Variants in PIK3C2B observed in about 807,000 individuals in gnomAD.
The protein encoded by PIK3C2B is phosphatidylinositol 4-phosphate 3-kinase C2 domain-containing subunit beta.
A neutral mutation model predicts 184.3 loss-of-function variants in PIK3C2B; 83 were observed. The ratio of observed to expected loss-of-function variants is 0.45; its 90% CI spans 0.38 to 0.54. The LOEUF is 0.54. Ranked by LOEUF, PIK3C2B falls within the 20% of genes least tolerant of loss-of-function variation. PIK3C2B has a pLI of 0.00. For missense variants in PIK3C2B, 1,736 were observed against 2,113.5 expected (o/e 0.82, Z 3.50); for synonymous variants, 779 against 837.6 (o/e 0.93, Z 1.21).
rs918722906 is a variant in PIK3C2B at position 204,433,879 on chromosome 1, G to C, written c.3757C>G (p.Arg1253Gly). The change falls in exon 25 of 33, where the codon CGC (arginine) becomes GGC (glycine). Residue 1253 changes from arginine to glycine, a missense_variant. By Grantham distance (125) the Arg-to-Gly change is moderately radical. Around this residue, in one of 8 missense-constraint regions of PIK3C2B, gnomAD observed 119 missense variants for 179.3 expected, o/e 0.66. Coordinates refer to ENST00000684373, the MANE Select transcript of PIK3C2B (RefSeq NM_001377334.1). The surrounding 1 kb of genome is among the most constrained non-coding windows in gnomAD (Gnocchi z 5.0). The stretch of plus-strand genomic sequence containing the variant: ...CAAAGGTCAACAAAATCATGGAAGC[G>C]GCTGGAAGGCTTGTCACCCCCGTTG... ...VINGGDKPSS[R>G]FHDFVDLCCQ... 6.2e-7 allele frequency: 1 copy of C among 1,613,930 alleles called. No individual in the cohort carries two copies. Among genetic ancestry groups the C allele is most frequent in the Non-Finnish European group, 8.5e-7 (1 of 1,179,930 alleles).
chr1:204,444,326 C>T lies in PIK3C2B; in HGVS notation c.2772+5G>A. On this transcript the variant is annotated splice_donor_5th_base_variant and intron_variant, in intron 17 of 32. Transcript: ENST00000684373. Reference sequence around the variant, plus strand: ...CAAAACTGGAGGGAGGACCAATCCACCCACCTGTACCAGCTGGGGCAGGTA... The same window carrying T: ...CAAAACTGGAGGGAGGACCAATCCATCCACCTGTACCAGCTGGGGCAGGTA... 6.2e-7 allele frequency: 1 copy of T among 1,610,970 alleles called. No homozygotes were observed. The highest frequency in any genetic ancestry group is 1.1e-5 in the South Asian group (1 of 91,024).
chr1:204,468,038 G>A (rs1358696878), intron 2 of PIK3C2B, among the ~76,000 whole-genome samples: 1 of 152,020 alleles, frequency 6.6e-6, no homozygotes, highest in Non-Finnish European at 1.5e-5. Context: ...TAGATAGTTC[G>A]CTATTTTACA....
At position 204,465,130 on chromosome 1, in the gene PIK3C2B, T is replaced by C. The variant is rs1163118197; in HGVS notation, c.1034+89A>G. ...TGAGATTTACTTATTATGGTGCTTCTTCCCTCCTAAAGAAAGTTTGGAAAT... is the reference window on the plus strand; with the variant it reads ...TGAGATTTACTTATTATGGTGCTTCCTCCCTCCTAAAGAAAGTTTGGAAAT... On this transcript the variant is annotated intron_variant, in intron 3 of 32. Transcript: ENST00000684373. 1.2e-5 allele frequency: 9 copies of C among 782,592 alleles called. No homozygotes were observed. The East Asian group carries it at 2.0e-4, about 17-fold the overall frequency. The allele number at this position is 782,592 out of a possible 1,614,324, so 48.5% of individuals were successfully genotyped here. A position where few individuals can be genotyped will look rare whatever the true frequency, so the allele number is the denominator to read the frequency against.
chr1:204,471,880 T>C (rs1173220184), intron 1 of PIK3C2B, among the ~76,000 whole-genome samples: 1 of 152,188 alleles, frequency 6.6e-6, no homozygotes, highest in African/African-American at 2.4e-5. Context: ...CCTCCCAAAA[T>C]ACACCAATAT....
At chr1:204,491,432 C>A (rs1421765458) in intron 1 of PIK3C2B, among the ~76,000 whole-genome samples, 1 of 151,726 alleles carries the variant, frequency 6.6e-6, no homozygotes, top group Non-Finnish European at 1.5e-5. Flanking sequence ...GTGGCTCATG[C>A]CTATAATCCT....
At position 204,424,669 on chromosome 1, in the gene PIK3C2B, G is replaced by A; in HGVS notation, c.*183C>T. 1 of 764,718 alleles carries A rather than the reference G, an allele frequency of 1.3e-6. No homozygotes were observed. The highest frequency in any genetic ancestry group is 2.4e-6 in the Non-Finnish European group (1 of 420,814). 47.4% of individuals were successfully genotyped at this position (764,718 alleles called of 1,614,324 possible). On this transcript the variant is annotated 3_prime_UTR_variant, in exon 33 of 33. Coordinates refer to ENST00000684373, the MANE Select transcript of PIK3C2B (RefSeq NM_001377334.1). ...AACCAACCCAAGTTCAGTCTCCAGA[G>A]GAAGAGACAGCAGAGCATGTCTTAC...
rs745440524 is a variant in PIK3C2B, at chr1:204,427,655, C to T, written c.4580G>A (p.Arg1527Gln). 6.2e-6 allele frequency: 10 copies of T among 1,608,058 alleles called. No individual in the cohort carries two copies. Among genetic ancestry groups the T allele is most frequent in the East Asian group, 2.2e-5 (1 of 44,842 alleles). The change falls in exon 31 of 33, where the codon CGG (arginine) becomes CAG (glutamine). Residue 1527 changes from arginine to glutamine, a missense_variant. By Grantham distance (43) the Arg-to-Gln change is conservative. Coordinates refer to ENST00000684373, the MANE Select transcript of PIK3C2B (RefSeq NM_001377334.1). ...GGCTGTGCAGGCACTTACCAAGCCC[C>T]GAATATGCATCACCATGATGAAGAG... is the stretch of plus-strand genomic sequence containing the variant. ...NKLFIMVMHIRGLQLLQDGND... is the reference protein window; with the variant it reads ...NKLFIMVMHIQGLQLLQDGND...
intron 19 of PIK3C2B, among the ~76,000 whole-genome samples, chr1:204,443,028 G>C (rs937995014): frequency 6.6e-6 from 1 of 152,184 alleles, no homozygotes; most frequent in African/African-American, 2.4e-5. Context: ...CAATGTCTTC[G>C]TACAAACAGA....
rs1655676447 is a variant in PIK3C2B, at chr1:204,465,390, C to T, written c.934-71G>A. On this transcript the variant is annotated intron_variant, in intron 2 of 32. Transcript: ENST00000684373. ...TCCCCTCCCTATGAGGTACTCCAGA[C>T]CTAAACTCAAACTCTAGATGAAAAG... 2.2e-6 allele frequency: 2 copies of T among 901,180 alleles called. 1 individual carries two copies. The highest frequency in any genetic ancestry group is 2.8e-5 in the South Asian group (2 of 72,286). The allele number at this position is 901,180 out of a possible 1,614,324, so 55.8% of individuals were successfully genotyped here. A position where few individuals can be genotyped will look rare whatever the true frequency, so the allele number is the denominator to read the frequency against.
chr1:204,465,177 CCCATAG>C, intron 3 of PIK3C2B, 36 bp downstream of exon 3: 1 of 926,078 alleles, frequency 1.1e-6, no homozygotes, highest in Non-Finnish European at 1.8e-6. Flanking sequence ...CTCCCCATCC[CCCATAG>C]CCCTCCCAAA....
chr1:204,482,642 G>A (rs1046850464), intron 1 of PIK3C2B, among the ~76,000 whole-genome samples: 1 of 152,096 alleles, frequency 6.6e-6, no homozygotes, highest in Non-Finnish European at 1.5e-5. Flanking sequence ...AAAATTAGCT[G>A]GTGTGGTGGT....
At chr1:204,441,931 G>T (rs749872059) in intron 20 of PIK3C2B, among the ~76,000 whole-genome samples, 1 of 152,144 alleles carries the variant, frequency 6.6e-6, no homozygotes. Context: ...TTGTGAAGAT[G>T]AAATGCCATA....
intron 1 of PIK3C2B, chr1:204,489,951 G>A: frequency 2.5e-6 from 1 of 396,184 alleles, no homozygotes; most frequent in Non-Finnish European, 4.4e-6. Context: ...GAGAAAGAGA[G>A]AAAGATGTGG....
chr1:204,489,634 G>A lies in PIK3C2B; in HGVS notation c.-85+4722C>T, dbSNP rs190435168. 3.5e-3 allele frequency among the ~76,000 whole-genome samples: 528 copies of A among 152,018 alleles called. 1 individual carries two copies. Among genetic ancestry groups the A allele is most frequent in the Non-Finnish European group, 5.5e-3 (374 of 67,996 alleles). ...AATTAAATCCACTCTACTGGTGCTC[G>A]CAGTCACAGCAATTTCTTTCACTCT... is the stretch of plus-strand genomic sequence containing the variant. On this transcript the variant is annotated intron_variant, in intron 1 of 32. Transcript: ENST00000684373.
Position 204,428,155 on chromosome 1 carries a change from T to C in PIK3C2B, c.4464A>G (p.Pro1488=), listed in dbSNP as rs774533149. 86 of 1,608,688 alleles carry C rather than the reference T, an allele frequency of 5.3e-5. No individual in the cohort carries two copies. Among genetic ancestry groups the C allele is most frequent in the Non-Finnish European group, 9.4e-6 (11 of 1,175,320 alleles). ...ATACTGTACCTGAGGACTTAGGAGC[T>C]GGGCTGGTGCCCATAGCCTTCTCAT... ...PRDEKAMGTS[P]APKSSDGTWA... Residue 1488 remains proline (P), a synonymous_variant, in exon 30 of 33, where the codon CCA becomes CCG. Transcript: ENST00000684373.
At chr1:204,437,350 CT>C (rs1675404890) in intron 23 of PIK3C2B, among the ~76,000 whole-genome samples, 1 of 152,132 alleles carries the variant, frequency 6.6e-6, no homozygotes, top group South Asian at 2.1e-4. Flanking sequence ...TGAAAATTCG[CT>C]GGGCATGGTG....
intron 22 of PIK3C2B, among the ~76,000 whole-genome samples, chr1:204,439,848 A>G (rs1209824418): frequency 6.6e-6 from 1 of 152,160 alleles, no homozygotes; most frequent in Non-Finnish European, 1.5e-5. Flanking sequence ...TTGGTCCCAA[A>G]CATTCCTGAG....
intron 1 of PIK3C2B, chr1:204,490,006 C>T (rs1467797864): frequency 2.5e-6 from 1 of 397,138 alleles, no homozygotes; most frequent in Non-Finnish European, 4.4e-6. Flanking sequence ...GTGGGCTTGG[C>T]TTAGCGAGGC....
At chr1:204,476,936 C>T (rs1656757417) in intron 1 of PIK3C2B, among the ~76,000 whole-genome samples, 1 of 152,222 alleles carries the variant, frequency 6.6e-6, no homozygotes, top group Non-Finnish European at 1.5e-5. Context: ...TCTTTCACCA[C>T]CTGCCTGCAA....
Sources: allele counts gnomAD v4.1 joint callset (sites outside exome capture counted in the v4.1 genomes callset), GRCh38; gene constraint gnomAD v4.1.1; regional missense constraint gnomAD v4.1.1; non-coding constraint Gnocchi (gnomAD v3.1); transcripts MANE v1.5; gene names NCBI Gene and HGNC (gene_info 2026-07-23, HGNC 2026-07-21).